The following LGSN variants were observed in gnomAD, a reference collection of about 807,000 sequenced individuals.
LGSN encodes lengsin, lens protein with glutamine synthetase domain.
A neutral mutation model predicts 19.5 loss-of-function variants in LGSN; 21 were observed. That is an observed-to-expected ratio of 1.07 (90% CI 0.76 to 1.55). LGSN has a LOEUF of 1.55. LGSN is among the 40% of genes most tolerant of loss of function. LGSN has a pLI of 0.00. For synonymous variants in LGSN, 257 were observed against 215.6 expected (o/e 1.19, Z -1.68); for missense variants, 673 against 608.5 (o/e 1.11, Z -1.12).
At chr6:63,363,739 G>C in the LGSN span, among the ~76,000 whole-genome samples, 1 of 152,216 alleles carries the variant, frequency 6.6e-6, no homozygotes, top group Non-Finnish European at 1.5e-5. Context: ...GTACCTGAAA[G>C]TGATGGGGAG....
the LGSN span, among the ~76,000 whole-genome samples, chr6:63,525,278 C>T: frequency 5.5e-3 from 842 of 152,278 alleles, 9 homozygotes; most frequent in African/African-American, 0.019. Context: ...CCATATTTGG[C>T]CTTGTGATGC....
chr6:63,553,522 C>A, the LGSN span, among the ~76,000 whole-genome samples: 1 of 152,180 alleles, frequency 6.6e-6, no homozygotes, highest in Non-Finnish European at 1.5e-5. Context: ...GGTATCCTGT[C>A]ATGCAGTATA....
chr6:63,298,516 T>C (rs1768065447), intron 1 of LGSN, among the ~76,000 whole-genome samples: 2 of 152,192 alleles, frequency 1.3e-5, no homozygotes, highest in African/African-American at 4.8e-5. Context: ...TTTTGTTTCT[T>C]TTTCTAATGC....
intron 2 of LGSN, among the ~76,000 whole-genome samples, chr6:63,293,317 T>C (rs550910735): frequency 6.6e-6 from 1 of 152,332 alleles, no homozygotes; most frequent in South Asian, 2.1e-4. Flanking sequence ...CTTTTGTAAC[T>C]AATTTCCAGC....
At chr6:63,476,251 C>A in the LGSN span, among the ~76,000 whole-genome samples, 1 of 152,130 alleles carries the variant, frequency 6.6e-6, no homozygotes, top group African/African-American at 2.4e-5. Flanking sequence ...AGATTGTGTT[C>A]TCCTATCCTT....
At chr6:63,537,215 G>A in the LGSN span, among the ~76,000 whole-genome samples, 1 of 152,146 alleles carries the variant, frequency 6.6e-6, no homozygotes, top group East Asian at 1.9e-4. Flanking sequence ...TCCTGGTCGA[G>A]GCAAATGTGG....
At chr6:63,547,747 A>AAG in the LGSN span, among the ~76,000 whole-genome samples, 4 of 133,052 alleles carry the variant, frequency 3.0e-5, no homozygotes, top group South Asian at 2.5e-4. Flanking sequence ...TCCTGACCTC[A>AAG]TGATCCACCC....
At chr6:63,294,852 A>G in intron 2 of LGSN, 61 bp downstream of exon 2, 1 of 1,537,764 alleles carries the variant, frequency 6.5e-7, no homozygotes, top group Non-Finnish European at 8.9e-7. Flanking sequence ...TATGAAAAGA[A>G]AGACCAAATG....
At chr6:63,429,243 A>G in the LGSN span, among the ~76,000 whole-genome samples, 11 of 152,176 alleles carry the variant, frequency 7.2e-5, no homozygotes, top group Admixed American at 7.2e-4. Flanking sequence ...AAATATTGGG[A>G]CTATATGAAC....
At chr6:63,288,031 T>C (rs1767611055) in intron 2 of LGSN, among the ~76,000 whole-genome samples, 2 of 151,866 alleles carry the variant, frequency 1.3e-5, no homozygotes, top group Admixed American at 6.6e-5. Flanking sequence ...CTGACCTACA[T>C]GGTGAAACCC....
the LGSN span, among the ~76,000 whole-genome samples, chr6:63,442,600 G>C: frequency 6.6e-6 from 1 of 151,924 alleles, no homozygotes; most frequent in South Asian, 2.1e-4. Context: ...CAAACCTTGA[G>C]CTAGACACAG....
chr6:63,480,263 C>A, the LGSN span: 1 of 217,356 alleles, frequency 4.6e-6, no homozygotes, highest in South Asian at 8.6e-5. Flanking sequence ...AGTCTCCAGT[C>A]CATTGTCCGG....
intron 2 of LGSN, among the ~76,000 whole-genome samples, chr6:63,287,001 A>C (rs762938188): frequency 6.6e-6 from 1 of 152,212 alleles, no homozygotes; most frequent in African/African-American, 2.4e-5. Context: ...AACACCCATC[A>C]ATCTCTCACA....
chr6:63,559,752 GA>G, the LGSN span, among the ~76,000 whole-genome samples: 56 of 147,458 alleles, frequency 3.8e-4, no homozygotes, highest in African/African-American at 1.2e-3. Context: ...CTCAAAAGAG[GA>G]AAAAAAAAAT....
chr6:63,430,781 A>G, the LGSN span, among the ~76,000 whole-genome samples: 1 of 152,194 alleles, frequency 6.6e-6, no homozygotes, highest in Admixed American at 6.6e-5. Flanking sequence ...AGGAGTTAGA[A>G]AATCAGACAA....
intron 2 of LGSN, among the ~76,000 whole-genome samples, chr6:63,287,171 C>T (rs1206317729): frequency 6.6e-6 from 1 of 152,220 alleles, no homozygotes; most frequent in Non-Finnish European, 1.5e-5. Flanking sequence ...ACTGTTTCCA[C>T]ATATGCAAAT....
At chr6:63,283,240 T>G (rs1231006238) in intron 3 of LGSN, among the ~76,000 whole-genome samples, 1 of 152,198 alleles carries the variant, frequency 6.6e-6, no homozygotes, top group African/African-American at 2.4e-5. Flanking sequence ...TGAATATATG[T>G]TAATATATTC....
the LGSN span, among the ~76,000 whole-genome samples, chr6:63,365,113 TA>T: frequency 6.6e-6 from 1 of 151,860 alleles, no homozygotes; most frequent in Non-Finnish European, 1.5e-5. Flanking sequence ...GATAGAGATG[TA>T]AAAAACCCTT....
At chr6:63,460,949 T>G in the LGSN span, among the ~76,000 whole-genome samples, 1 of 152,154 alleles carries the variant, frequency 6.6e-6, no homozygotes, top group African/African-American at 2.4e-5. Flanking sequence ...GGCATCAAAG[T>G]CTACACTGAA....
Sources: gnomAD v4.1 joint callset for allele counts (sites outside exome capture counted in the v4.1 genomes callset) on GRCh38, gnomAD v4.1.1 for gene constraint, MANE v1.5 for transcripts, NCBI Gene and HGNC (gene_info 2026-07-23, HGNC 2026-07-21) for gene names.